Variants in VWDE observed in about 807,000 individuals in gnomAD.
The protein encoded by VWDE is von Willebrand factor D and EGF domains, also known as von Willebrand factor D and EGF domain-containing protein.
A neutral mutation model predicts 178.4 loss-of-function variants in VWDE; 207 were observed. The ratio of observed to expected loss-of-function variants is 1.16; its 90% CI spans 1.04 to 1.30. The LOEUF is 1.30. VWDE is among the 50% of genes most tolerant of loss of function. The pLI is 0.00. For synonymous variants in VWDE, 738 were observed against 651.4 expected (o/e 1.13, Z -2.02); for missense variants, 2,287 against 1,901.3 (o/e 1.20, Z -3.77).
intron 10 of VWDE, among the ~76,000 whole-genome samples, chr7:12,372,321 T>C (rs1783253134): frequency 6.6e-6 from 1 of 152,050 alleles, no homozygotes; most frequent in Non-Finnish European, 1.5e-5. Context: ...GGAATTCAAA[T>C]ATATAACATA....
At position 12,375,088 on chromosome 7, in the gene VWDE, A is replaced by G. The variant is rs1340152917; in HGVS notation, c.1164T>C (p.Asp388=). 6.4e-7 allele frequency: 1 copy of G among 1,551,292 alleles called. No individual in the cohort carries two copies. The highest frequency in any genetic ancestry group is 8.7e-7 in the Non-Finnish European group (1 of 1,146,690). ...TAVTDFSRDG[D]RVSNIVVQPI... ...GTTGCACTACAATGTTTGAGACTCTATCTCCATCTCGAGAAAAATCTGTGA... is the reference window on the plus strand; with the variant it reads ...GTTGCACTACAATGTTTGAGACTCTGTCTCCATCTCGAGAAAAATCTGTGA... Residue 388 remains aspartate (D), a synonymous_variant, in exon 8 of 29, where the codon GAT becomes GAC. Coordinates refer to ENST00000275358, the MANE Select transcript of VWDE (RefSeq NM_001135924.3).
intron 2 of VWDE, 62 bp downstream of exon 2, chr7:12,393,532 A>G (rs1236183950): frequency 3.0e-6 from 4 of 1,340,878 alleles, no homozygotes; most frequent in Non-Finnish European, 4.0e-6. Context: ...GTAAAAAGAT[A>G]CAATTCTCAT....
rs759701258 is a variant in VWDE at position 12,361,399 on chromosome 7, C to T, written c.3021G>A (p.Val1007=). Residue 1007 remains valine, a synonymous_variant, in exon 14 of 29, where the codon GTG becomes GTA. Coordinates refer to ENST00000275358, the MANE Select transcript of VWDE (RefSeq NM_001135924.3). ...GCCACTTCCCAGTTGGTTTCCCACC[C>T]ACCAGATCCATGGTATCAAACTGCT... ...DVQQFDTMDL[V]GGKPTGKWQL... The T allele has an allele frequency of 5.2e-6, 8 of 1,550,768 alleles. No individual in the cohort carries two copies. Among genetic ancestry groups the T allele is most frequent in the South Asian group, 1.2e-5 (1 of 83,850 alleles).
chr7:12,330,993 T>A lies in VWDE; in HGVS notation c.*190A>T, dbSNP rs1780686396. The A allele has an allele frequency of 2.0e-6, 1 of 505,542 alleles. No individual in the cohort carries two copies. Among genetic ancestry groups the A allele is most frequent in the Admixed American group, 3.8e-5 (1 of 26,296 alleles). 31.3% of individuals were successfully genotyped at this position (505,542 alleles called of 1,614,324 possible). ...ATCCCATCTCAACATCAAATTTAGA[T>A]TACCTGGATTTCTTCTTTGCTTTTC... On this transcript the variant is annotated 3_prime_UTR_variant, in exon 29 of 29. Transcript: ENST00000275358.
chr7:12,351,614 C>T lies in VWDE; in HGVS notation c.3845G>A (p.Gly1282Glu), dbSNP rs776573612. ...TGTTGGCTTAACATGCCTCTTTCTCCCTTGGGCATTTTTATCATCCTCTTC... is the reference window on the plus strand; with the variant it reads ...TGTTGGCTTAACATGCCTCTTTCTCTCTTGGGCATTTTTATCATCCTCTTC... ...NKEEDDKNAQ[G>E]RKRHVKPTSG... Residue 1282 changes from glycine (G) to glutamate (E), a missense_variant, in exon 19 of 29, where the codon GGG becomes GAG. Gly to Glu is a moderately conservative substitution (Grantham distance 98). Coordinates refer to ENST00000275358, the MANE Select transcript of VWDE (RefSeq NM_001135924.3). The T allele has an allele frequency of 6.5e-7, 1 of 1,549,828 alleles. No homozygotes were observed. The highest frequency in any genetic ancestry group is 1.2e-5 in the South Asian group (1 of 83,812).
At chr7:12,334,536 A>C (rs1430550029) in intron 27 of VWDE, among the ~76,000 whole-genome samples, 1 of 152,252 alleles carries the variant, frequency 6.6e-6, no homozygotes, top group African/African-American at 2.4e-5. Context: ...CACCATTCAC[A>C]TGATACATAT....
intron 1 of VWDE, among the ~76,000 whole-genome samples, 155 bp downstream of exon 1, chr7:12,403,504 A>G (rs1785009012): frequency 6.6e-6 from 1 of 152,244 alleles, no homozygotes; most frequent in Admixed American, 6.5e-5. Context: ...AAGACAGCAG[A>G]GGGACAGAGA....
At chr7:12,380,974 A>G (rs1293670018) in intron 4 of VWDE, among the ~76,000 whole-genome samples, 1 of 152,212 alleles carries the variant, frequency 6.6e-6, no homozygotes, top group Non-Finnish European at 1.5e-5. Flanking sequence ...CAGGTTGAAT[A>G]TCTGCCTTTG....
At position 12,388,680 on chromosome 7, in the gene VWDE, T is replaced by C. The variant is rs529590372; in HGVS notation, c.475+447A>G. 10 of 251,340 alleles carry C rather than the reference T, an allele frequency of 4.0e-5. No homozygotes were observed. The South Asian group carries it at 4.5e-4, about 11-fold the overall frequency. The allele number at this position is 251,340 out of a possible 1,614,324, so 15.6% of individuals were successfully genotyped here. Reference sequence around the variant, plus strand: ...GTTTCATGAAGGCAGAGATCTCATTTATCTTGCTCATCACCGTAACTCTGA... The same window carrying C: ...GTTTCATGAAGGCAGAGATCTCATTCATCTTGCTCATCACCGTAACTCTGA... On this transcript the variant is annotated intron_variant, in intron 3 of 28. Coordinates refer to ENST00000275358, the MANE Select transcript of VWDE (RefSeq NM_001135924.3).
intron 13 of VWDE, among the ~76,000 whole-genome samples, chr7:12,363,706 G>A (rs1782702546): frequency 6.6e-6 from 1 of 151,980 alleles, no homozygotes; most frequent in Admixed American, 6.6e-5. Context: ...GCAGATGACA[G>A]GGATGACAAG....
In VWDE at chr7:12,343,190, G is replaced by C; in HGVS notation, c.4079-12C>G. On this transcript the variant is annotated splice_polypyrimidine_tract_variant and intron_variant, in intron 21 of 28. Transcript: ENST00000275358. ...TGGGTTACAATGTTCTGCAGAAACA[G>C]ATTATGTTATTATGTCAGTTCTTAA... 6.5e-7 allele frequency: 1 copy of C among 1,536,864 alleles called. No homozygotes were observed. Among genetic ancestry groups the C allele is most frequent in the African/African-American group, 1.4e-5 (1 of 72,728 alleles).
intron 17 of VWDE, among the ~76,000 whole-genome samples, chr7:12,356,654 TG>T (rs1782268654): frequency 6.6e-6 from 1 of 152,190 alleles, no homozygotes; most frequent in African/African-American, 2.4e-5. Context: ...GTTAATCACC[TG>T]GGTTATTCAC....
intron 24 of VWDE, among the ~76,000 whole-genome samples, chr7:12,337,518 A>G (rs1319989772): frequency 6.6e-6 from 1 of 152,218 alleles, no homozygotes; most frequent in Non-Finnish European, 1.5e-5. Flanking sequence ...TGAGTCTTTC[A>G]TATTACAATG....
At chr7:12,368,205 C>T (rs1782968250) in intron 12 of VWDE, among the ~76,000 whole-genome samples, 1 of 147,298 alleles carries the variant, frequency 6.8e-6, no homozygotes, top group South Asian at 2.2e-4. Flanking sequence ...AAGTTTCTGC[C>T]TTCATGTAAT....
intron 24 of VWDE, 91 bp from the exon 25 acceptor site, chr7:12,337,363 C>T (rs1583271080): frequency 9.2e-7 from 1 of 1,081,610 alleles, no homozygotes. Flanking sequence ...TCAATGAGGA[C>T]ATAAGGCAGA....
intron 7 of VWDE, among the ~76,000 whole-genome samples, chr7:12,376,013 T>G (rs1367376081): frequency 2.0e-5 from 3 of 152,100 alleles, no homozygotes; most frequent in African/African-American, 7.2e-5. Flanking sequence ...GGAAAAAAGT[T>G]GTTAAAAAAT....
intron 18 of VWDE, among the ~76,000 whole-genome samples, chr7:12,352,440 C>T (rs571090074): frequency 4.3e-4 from 65 of 152,306 alleles, no homozygotes; most frequent in African/African-American, 1.3e-3. Context: ...TAAGCCCCTT[C>T]CTACAATACA....
chr7:12,381,837 G>A (rs1583335355), intron 4 of VWDE, among the ~76,000 whole-genome samples: 1 of 151,894 alleles, frequency 6.6e-6, no homozygotes, highest in East Asian at 1.9e-4. Flanking sequence ...CTATGGAAAT[G>A]ATTATTAAGA....
rs548480963 is a variant in VWDE at position 12,390,599 on chromosome 7, TA to T, written c.244-1242del. ...TAATAAAATTATATGTAAATAGTAC[TA>T]TATTGTGTTATATTTATGTATAATT... On this transcript the variant is annotated intron_variant, in intron 2 of 28. Transcript: ENST00000275358. 9.2e-3 allele frequency among the ~76,000 whole-genome samples: 1,398 copies of T among 151,720 alleles called. 21 individuals are homozygous for T. Among genetic ancestry groups the T allele is most frequent in the African/African-American group, 0.031 (1,303 of 41,476 alleles).
Sources: allele counts gnomAD v4.1 joint callset (sites outside exome capture counted in the v4.1 genomes callset), GRCh38; gene constraint gnomAD v4.1.1; transcripts MANE v1.5; gene names NCBI Gene and HGNC (gene_info 2026-07-23, HGNC 2026-07-21).